The following ASIC2 variants were observed in gnomAD, a reference collection of about 807,000 sequenced individuals.
ASIC2 encodes acid-sensing ion channel 2.
A neutral mutation model predicts 57.3 loss-of-function variants in ASIC2; 25 were observed. The ratio of observed to expected loss-of-function variants is 0.44; its 90% CI spans 0.32 to 0.61. ASIC2 has a LOEUF of 0.61. Ranked by LOEUF, ASIC2 falls within the 20% of genes least tolerant of loss-of-function variation. The probability of loss-of-function intolerance (pLI) is 0.06; values close to 1 mark genes in which losing one functional copy is unlikely to be tolerated. For missense variants in ASIC2, 641 were observed against 738.1 expected, an observed-to-expected ratio of 0.87 and a Z score of 1.52; for synonymous variants, 319 against 307.5, an observed-to-expected ratio of 1.04 and a Z score of -0.39.
intron 1 of ASIC2, among the ~76,000 whole-genome samples, chr17:33,942,322 C>T (rs929505177): frequency 6.6e-6 from 1 of 152,084 alleles, no homozygotes; most frequent in African/African-American, 2.4e-5. Context: ...CTCCTAGGCC[C>T]AAGTAGGGAT....
At chr17:33,859,461 A>T (rs1374924523) in intron 1 of ASIC2, among the ~76,000 whole-genome samples, 1 of 152,214 alleles carries the variant, frequency 6.6e-6, no homozygotes, top group Admixed American at 6.5e-5. Context: ...CTGTTACAAG[A>T]AAGAAACCCA....
intron 1 of ASIC2, among the ~76,000 whole-genome samples, chr17:33,779,092 T>C (rs554738470): frequency 6.6e-6 from 1 of 152,260 alleles, no homozygotes; most frequent in Admixed American, 6.5e-5. Flanking sequence ...AGACCACTTT[T>C]AATAGAAGAA....
intron 1 of ASIC2, among the ~76,000 whole-genome samples, chr17:33,771,936 T>G (rs1911126166): frequency 6.6e-6 from 1 of 152,184 alleles, no homozygotes. Context: ...ATATATAGTA[T>G]GTAGTATGTA....
intron 1 of ASIC2, among the ~76,000 whole-genome samples, chr17:33,179,410 A>G (rs913398214): frequency 1.3e-5 from 2 of 152,236 alleles, no homozygotes; most frequent in African/African-American, 4.8e-5. Flanking sequence ...CAGCCGGCAT[A>G]TGGATTCCTG....
At chr17:34,062,390 G>A (rs1054834951) in intron 1 of ASIC2, among the ~76,000 whole-genome samples, 2 of 152,098 alleles carry the variant, frequency 1.3e-5, no homozygotes, top group African/African-American at 4.8e-5. Flanking sequence ...TAAGAGCAAA[G>A]TTCATAGCCC....
At position 33,639,090 on chromosome 17, in the gene ASIC2, T is replaced by C. The variant is rs72827247; in HGVS notation, c.555+516888A>G. Among the ~76,000 whole-genome samples the C allele has an allele frequency of 9.5e-3, 1,448 of 151,808 alleles. 32 individuals are homozygous for C. Among genetic ancestry groups the C allele is most frequent in the East Asian group, 0.077 (390 of 5,082 alleles). ...ATATAAAGGTGAAGAGGAGATACCA[T>C]GGGAGCTCACCATGGGGAGACCCAA... On this transcript the variant is annotated intron_variant, in intron 1 of 9. Transcript: ENST00000359872.
Position 33,042,684 on chromosome 17 carries a change from T to C in ASIC2, c.988-14292A>G, listed in dbSNP as rs921171452. On this transcript the variant is annotated intron_variant, in intron 3 of 9. Transcript: ENST00000225823. ...TGGACAGTAGGTGGCCTAGCTGGGATTGGAACCCAGCAGATCATACTTTTT... is the reference window on the plus strand; with the variant it reads ...TGGACAGTAGGTGGCCTAGCTGGGACTGGAACCCAGCAGATCATACTTTTT... 2.9e-4 allele frequency among the ~76,000 whole-genome samples: 44 copies of C among 152,158 alleles called. 1 individual carries two copies. The highest frequency in any genetic ancestry group is 1.5e-5 in the Non-Finnish European group (1 of 68,034).
intron 1 of ASIC2, among the ~76,000 whole-genome samples, chr17:34,077,791 G>A (rs943766812): frequency 6.6e-6 from 1 of 152,100 alleles, no homozygotes; most frequent in Non-Finnish European, 1.5e-5. Flanking sequence ...TAAGTGCCCA[G>A]AGAGAGTGCG....
rs1057344062 is a variant in ASIC2, at chr17:34,054,418, A to G, written c.555+101560T>C. Among the ~76,000 whole-genome samples the G allele has an allele frequency of 3.3e-5, 5 of 152,306 alleles. No homozygotes were observed. The East Asian group carries it at 9.6e-4, about 29-fold the overall frequency. On this transcript the variant is annotated intron_variant, in intron 1 of 9. Transcript: ENST00000359872. ...CTTGAATTTCTACTTCCTGGCTCAC[A>G]GTATAGTGCTTTTTTCAAGCAATGA... is the stretch of plus-strand genomic sequence containing the variant.
intron 1 of ASIC2, among the ~76,000 whole-genome samples, chr17:34,143,906 T>C (rs1912343522): frequency 6.6e-6 from 1 of 152,224 alleles, no homozygotes; most frequent in Admixed American, 6.5e-5. Flanking sequence ...TCTTTTTTTT[T>C]CTTTTTATAA....
intron 1 of ASIC2, among the ~76,000 whole-genome samples, chr17:33,220,908 C>CA (rs941433944): frequency 2.6e-5 from 4 of 151,858 alleles, no homozygotes; most frequent in Non-Finnish European, 5.9e-5. Context: ...TCTCTAAAAA[C>CA]AAAAAATTCA....
intron 1 of ASIC2, among the ~76,000 whole-genome samples, chr17:33,985,864 C>G (rs1476484299): frequency 6.6e-6 from 1 of 152,232 alleles, no homozygotes; most frequent in African/African-American, 2.4e-5. Flanking sequence ...CACAGGCCTT[C>G]CCTGAGAAGA....
intron 1 of ASIC2, among the ~76,000 whole-genome samples, chr17:33,637,795 TAAAG>T (rs1386996887): frequency 1.3e-5 from 2 of 152,126 alleles, no homozygotes; most frequent in Admixed American, 6.5e-5. Flanking sequence ...GGTATTACAG[TAAAG>T]AAAGAGTTTA....
At chr17:33,026,808 A>G (rs1026491858) in intron 4 of ASIC2, among the ~76,000 whole-genome samples, 1 of 152,102 alleles carries the variant, frequency 6.6e-6, no homozygotes, top group Non-Finnish European at 1.5e-5. Context: ...CTAAAGTTAA[A>G]GTCCACCATG....
upstream of ASIC2, among the ~76,000 whole-genome samples, chr17:33,297,755 G>A (rs1481141974): frequency 6.6e-6 from 1 of 151,806 alleles, no homozygotes; most frequent in African/African-American, 2.4e-5. Context: ...CTGCAAGGTC[G>A]AGACTGCAGT....
At chr17:34,039,291 G>A in intron 1 of ASIC2, 1 of 1,613,950 alleles carries the variant, frequency 6.2e-7, no homozygotes, top group Non-Finnish European at 8.5e-7. Flanking sequence ...GGGAGCTGCA[G>A]GAATGCTCTG....
Position 33,412,314 on chromosome 17 carries a change from T to A in ASIC2, c.556-300247A>T, listed in dbSNP as rs1320805038. 3.3e-5 allele frequency among the ~76,000 whole-genome samples: 5 copies of A among 152,328 alleles called. No homozygotes were observed. In the East Asian group the frequency reaches 7.7e-4, roughly 24 times the overall value. On this transcript the variant is annotated intron_variant, in intron 1 of 9. Coordinates refer to the ASIC2 transcript ENST00000359872. ...TAGAATGCTGTTGATCACCAGGATGTCATGAATTATGATGGTTCCTGTTCT... is the reference window on the plus strand; with the variant it reads ...TAGAATGCTGTTGATCACCAGGATGACATGAATTATGATGGTTCCTGTTCT...
At chr17:33,103,883 T>C (rs966544266) in intron 2 of ASIC2, among the ~76,000 whole-genome samples, 4 of 152,190 alleles carry the variant, frequency 2.6e-5, no homozygotes, top group African/African-American at 9.6e-5. Context: ...CTTCTGGCCA[T>C]GGGAGGATGT....
chr17:33,662,185 C>T lies in ASIC2; in HGVS notation c.555+493793G>A, dbSNP rs541213894. ...GGCTCAGAGAAGCTAAGCCACTTGC[C>T]TCAAGCCACACAGCAGTTAGGTAGC... On this transcript the variant is annotated intron_variant, in intron 1 of 9. Transcript: ENST00000359872. 5.3e-5 allele frequency among the ~76,000 whole-genome samples: 8 copies of T among 152,236 alleles called. No individual in the cohort carries two copies. In the East Asian group the frequency reaches 1.5e-3, roughly 29 times the overall value.
Sources: gnomAD v4.1 joint callset for allele counts (sites outside exome capture counted in the v4.1 genomes callset) on GRCh38, gnomAD v4.1.1 for gene constraint, MANE v1.5 for transcripts, NCBI Gene and HGNC (gene_info 2026-07-23, HGNC 2026-07-21) for gene names.